The following MACROD2 variants were observed in gnomAD, a reference collection of about 807,000 sequenced individuals.
The protein encoded by MACROD2 is mono-ADP ribosylhydrolase 2, also known as ADP-ribose glycohydrolase MACROD2.
In MACROD2, 36 loss-of-function variants were observed where a neutral mutation model predicts 70.4. The ratio of observed to expected loss-of-function variants is 0.51; its 90% CI spans 0.39 to 0.68. MACROD2 has a LOEUF of 0.68. MACROD2 is among the 30% of genes least tolerant of loss of function. MACROD2 has a pLI of 0.00. For synonymous variants in MACROD2, 172 were observed against 178.8 expected (o/e 0.96, Z 0.30); for missense variants, 496 against 538.4 (o/e 0.92, Z 0.78).
intron 8 of MACROD2, among the ~76,000 whole-genome samples, chr20:15,560,070 A>T (rs2146604708): frequency 6.6e-6 from 1 of 152,316 alleles, no homozygotes; most frequent in East Asian, 1.9e-4. Flanking sequence ...TCTGCCTCAA[A>T]TCTCAAGATT....
chr20:15,246,090 C>T (rs536722335), intron 6 of MACROD2, among the ~76,000 whole-genome samples: 1 of 152,310 alleles, frequency 6.6e-6, no homozygotes, highest in Non-Finnish European at 1.5e-5. Flanking sequence ...TAAAGAACTA[C>T]AGACACATAT....
At chr20:14,618,276 C>T (rs1983595950) in intron 4 of MACROD2, among the ~76,000 whole-genome samples, 1 of 152,070 alleles carries the variant, frequency 6.6e-6, no homozygotes. Flanking sequence ...TTTCCACCAC[C>T]TAGCTATACC....
chr20:14,471,879 T>A (rs2084535060), intron 3 of MACROD2, among the ~76,000 whole-genome samples: 1 of 152,172 alleles, frequency 6.6e-6, no homozygotes, highest in South Asian at 2.1e-4. Context: ...GTTTTAAAAA[T>A]AATTCACTAT....
intron 5 of MACROD2, among the ~76,000 whole-genome samples, chr20:15,108,742 T>C (rs570461391): frequency 7.9e-5 from 12 of 152,312 alleles, no homozygotes; most frequent in South Asian, 6.2e-4. Context: ...ATGCTCTTGG[T>C]AAATCTCTTT....
chr20:15,040,363 A>G (rs1180226502), intron 5 of MACROD2, among the ~76,000 whole-genome samples: 2 of 151,048 alleles, frequency 1.3e-5, no homozygotes, highest in African/African-American at 4.9e-5. Context: ...TCAATAGTGT[A>G]TTTGGCTGGG....
chr20:14,549,194 G>A (rs565778390), intron 4 of MACROD2, among the ~76,000 whole-genome samples: 3 of 152,170 alleles, frequency 2.0e-5, no homozygotes, highest in Admixed American at 6.5e-5. Context: ...CAATTTATTG[G>A]TGGTATCAAG....
intron 8 of MACROD2, among the ~76,000 whole-genome samples, chr20:15,558,889 A>G (rs181472327): frequency 2.2e-3 from 339 of 152,312 alleles, no homozygotes; most frequent in Middle Eastern, 6.8e-3. Context: ...AAAATTAAAC[A>G]TTTTGTTGAA....
intron 8 of MACROD2, among the ~76,000 whole-genome samples, chr20:15,593,923 C>G (rs1307794176): frequency 2.0e-5 from 3 of 152,150 alleles, no homozygotes; most frequent in Non-Finnish European, 4.4e-5. Flanking sequence ...CTCCCTCGCC[C>G]CATGTACAAG....
intron 7 of MACROD2, among the ~76,000 whole-genome samples, chr20:15,488,721 T>C (rs990089294): frequency 6.6e-6 from 1 of 152,186 alleles, no homozygotes; most frequent in Non-Finnish European, 1.5e-5. Context: ...TAGATCCCAA[T>C]ATACGCCTTT....
intron 8 of MACROD2, among the ~76,000 whole-genome samples, chr20:15,596,119 C>A (rs2048743331): frequency 6.6e-6 from 1 of 152,132 alleles, no homozygotes. Flanking sequence ...CTACTTTTTA[C>A]CAATTCCAAA....
intron 5 of MACROD2, among the ~76,000 whole-genome samples, chr20:15,032,838 A>G (rs537857046): frequency 2.6e-5 from 4 of 152,348 alleles, no homozygotes; most frequent in East Asian, 1.9e-4. Context: ...ATGGCCATCA[A>G]CAGATGAATG....
chr20:15,747,485 A>G (rs2051201362), intron 8 of MACROD2, among the ~76,000 whole-genome samples: 11 of 152,196 alleles, frequency 7.2e-5, no homozygotes, highest in Admixed American at 7.2e-4. Flanking sequence ...TTTAATGCCA[A>G]ACTAAATTTG....
intron 4 of MACROD2, among the ~76,000 whole-genome samples, chr20:14,649,099 A>C (rs1402891642): frequency 1.3e-5 from 2 of 152,234 alleles, no homozygotes; most frequent in African/African-American, 4.8e-5. Flanking sequence ...TGTCCTCCAT[A>C]CTTAGGGCTT....
chr20:14,134,792 A>C (rs956431937), intron 3 of MACROD2, among the ~76,000 whole-genome samples: 3 of 96,038 alleles, frequency 3.1e-5, no homozygotes, highest in Admixed American at 3.4e-4. Context: ...CGACAGTGAG[A>C]CTCCGTGTCA....
At chr20:15,403,964 T>A (rs6034175) in intron 6 of MACROD2, among the ~76,000 whole-genome samples, 6,066 of 152,260 alleles carry the variant, frequency 0.04, 374 homozygotes, top group African/African-American at 0.14. Context: ...AAGAGGAGTA[T>A]CAGCAATTTT....
At chr20:15,274,009 T>C (rs2077368944) in intron 6 of MACROD2, among the ~76,000 whole-genome samples, 1 of 152,198 alleles carries the variant, frequency 6.6e-6, no homozygotes, top group African/African-American at 2.4e-5. Flanking sequence ...TAATGACGAC[T>C]ACATGGTCCT....
intron 3 of MACROD2, among the ~76,000 whole-genome samples, chr20:14,253,060 T>G (rs1452734742): frequency 6.6e-6 from 1 of 151,998 alleles, no homozygotes; most frequent in East Asian, 1.9e-4. Context: ...TGCTTTAAAC[T>G]TTTGTCATTT....
intron 7 of MACROD2, among the ~76,000 whole-genome samples, chr20:15,481,126 A>G (rs1420893989): frequency 6.6e-6 from 1 of 152,254 alleles, no homozygotes; most frequent in Non-Finnish European, 1.5e-5. Flanking sequence ...AAGTTGATAC[A>G]TTGGAATGCC....
At chr20:14,868,220 CT>C (rs2073449179) in intron 5 of MACROD2, among the ~76,000 whole-genome samples, 1 of 146,936 alleles carries the variant, frequency 6.8e-6, no homozygotes, top group African/African-American at 2.5e-5. Context: ...CAAGTTCTCT[CT>C]TTATTGCCCA....
Sources: allele counts gnomAD v4.1 joint callset (sites outside exome capture counted in the v4.1 genomes callset), GRCh38; gene constraint gnomAD v4.1.1; transcripts MANE v1.5; gene names NCBI Gene and HGNC (gene_info 2026-07-23, HGNC 2026-07-21).